The following TECRL variants were observed in gnomAD, a reference collection of about 807,000 sequenced individuals.
TECRL encodes the protein trans-2,3-enoyl-CoA reductase-like.
TECRL carries 63 observed loss-of-function variants against 52.8 expected under a neutral mutation model. The observed-to-expected ratio is 1.19, with a 90% confidence interval of 0.97 to 1.47. The LOEUF is 1.47. Ranked by LOEUF, TECRL falls within the 40% of genes most tolerant of loss-of-function variation. The probability of loss-of-function intolerance (pLI) is 0.00; values close to 1 mark genes in which losing one functional copy is unlikely to be tolerated. For missense variants in TECRL, 482 were observed against 429.6 expected, an observed-to-expected ratio of 1.12 and a Z score of -1.08; for synonymous variants, 164 against 141.9, an observed-to-expected ratio of 1.16 and a Z score of -1.10.
intron 4 of TECRL, among the ~76,000 whole-genome samples, chr4:64,314,996 C>T (rs1445981576): frequency 6.6e-6 from 1 of 152,004 alleles, no homozygotes; most frequent in Non-Finnish European, 1.5e-5. Context: ...AAACTGGTTT[C>T]TTTCTTCAGA....
chr4:64,324,780 A>AC (rs1718140228), intron 3 of TECRL, among the ~76,000 whole-genome samples: 2 of 152,100 alleles, frequency 1.3e-5, no homozygotes, highest in African/African-American at 2.4e-5. Flanking sequence ...ACATATATAT[A>AC]CATATATAAT....
chr4:64,375,629 A>T (rs561909853), intron 1 of TECRL, among the ~76,000 whole-genome samples: 1 of 152,028 alleles, frequency 6.6e-6, no homozygotes, highest in Non-Finnish European at 1.5e-5. Flanking sequence ...TTATATGGAC[A>T]AATGAGAGAA....
chr4:64,370,386 T>C (rs576944553), intron 2 of TECRL, among the ~76,000 whole-genome samples: 32 of 152,006 alleles, frequency 2.1e-4, no homozygotes, highest in African/African-American at 6.5e-4. Flanking sequence ...TTCTGAGGGA[T>C]AATATTTGAT....
chr4:64,301,359 T>C (rs922787548), intron 7 of TECRL, among the ~76,000 whole-genome samples: 1 of 151,204 alleles, frequency 6.6e-6, no homozygotes, highest in African/African-American at 2.4e-5. Context: ...CATTCTGCTT[T>C]TGCCAAATCA....
At chr4:64,280,255 T>A in intron 11 of TECRL, 56 bp from the exon 12 acceptor site, 1 of 1,250,876 alleles carries the variant, frequency 8.0e-7, no homozygotes, top group Non-Finnish European at 1.1e-6. Flanking sequence ...AAATGTTATA[T>A]TAGGAAAAGG....
In TECRL at chr4:64,289,704, A is replaced by G; in HGVS notation, c.832+6T>C. 1.3e-6 allele frequency: 2 copies of G among 1,526,364 alleles called. No homozygotes were observed. Among genetic ancestry groups the G allele is most frequent in the Non-Finnish European group, 1.7e-6 (2 of 1,146,442 alleles). 94.6% of individuals were successfully genotyped at this position (1,526,364 alleles called of 1,614,324 possible). On this transcript the variant is annotated splice_donor_region_variant and intron_variant, in intron 9 of 11. Transcript: ENST00000381210. Reference sequence around the variant, plus strand: ...CTAAAGAAAAGAAAAAGAAAAAAGAACTAACCTGTGTGATTGGGATGAGAC... The same window carrying G: ...CTAAAGAAAAGAAAAAGAAAAAAGAGCTAACCTGTGTGATTGGGATGAGAC...
At chr4:64,346,137 G>A (rs115317111) in intron 2 of TECRL, among the ~76,000 whole-genome samples, 26 of 152,162 alleles carry the variant, frequency 1.7e-4, no homozygotes, top group African/African-American at 6.3e-4. Context: ...CTCATTAGAT[G>A]TTGTTATGGG....
intron 2 of TECRL, among the ~76,000 whole-genome samples, chr4:64,339,510 C>G (rs1441977243): frequency 6.6e-6 from 1 of 151,674 alleles, no homozygotes; most frequent in Non-Finnish European, 1.5e-5. Flanking sequence ...TATCACTAGA[C>G]TTTACTATCT....
chr4:64,304,585 T>G (rs184760304), intron 7 of TECRL, among the ~76,000 whole-genome samples: 1 of 152,072 alleles, frequency 6.6e-6, no homozygotes, highest in Admixed American at 6.6e-5. Flanking sequence ...CAGTAAGAGC[T>G]GAAGAGAGAA....
intron 2 of TECRL, among the ~76,000 whole-genome samples, chr4:64,366,654 G>T (rs1721617497): frequency 6.6e-6 from 1 of 152,052 alleles, no homozygotes; most frequent in Non-Finnish European, 1.5e-5. Flanking sequence ...AAAAAGCTCA[G>T]TGTCACTAAT....
At chr4:64,329,461 G>A (rs574156159) in intron 2 of TECRL, among the ~76,000 whole-genome samples, 76 of 151,608 alleles carry the variant, frequency 5.0e-4, no homozygotes, top group African/African-American at 1.8e-3. Flanking sequence ...TCTATTAATA[G>A]GTAATATATT....
intron 2 of TECRL, among the ~76,000 whole-genome samples, chr4:64,347,018 T>A (rs1055403281): frequency 2.6e-5 from 4 of 152,194 alleles, no homozygotes; most frequent in African/African-American, 7.2e-5. Context: ...TTATTTGACA[T>A]TCAGTCAGGT....
intron 7 of TECRL, among the ~76,000 whole-genome samples, chr4:64,303,281 G>C (rs546383633): frequency 6.6e-6 from 1 of 151,586 alleles, no homozygotes; most frequent in South Asian, 2.1e-4. Context: ...ACAAATTAGA[G>C]AGAGTCTCTG....
chr4:64,397,156 A>G (rs577893086), intron 1 of TECRL, among the ~76,000 whole-genome samples: 1 of 152,258 alleles, frequency 6.6e-6, no homozygotes, highest in Non-Finnish European at 1.5e-5. Flanking sequence ...TGTGTCATGC[A>G]CATTTTCAGG....
intron 2 of TECRL, among the ~76,000 whole-genome samples, chr4:64,351,390 C>T: frequency 6.6e-6 from 1 of 151,912 alleles, no homozygotes; most frequent in Non-Finnish European, 1.5e-5. Flanking sequence ...ATCCTCCTGT[C>T]TCAGCCTCTG....
At chr4:64,392,920 C>G (rs1185398182) in intron 1 of TECRL, among the ~76,000 whole-genome samples, 4 of 151,946 alleles carry the variant, frequency 2.6e-5, no homozygotes, top group Non-Finnish European at 5.9e-5. Flanking sequence ...ATCTCTACAT[C>G]ATGTAAATAT....
intron 1 of TECRL, among the ~76,000 whole-genome samples, chr4:64,387,318 A>G (rs1034014620): frequency 1.1e-4 from 16 of 152,152 alleles, no homozygotes; most frequent in African/African-American, 3.6e-4. Flanking sequence ...CTACTGAAAG[A>G]CATCTTGGTT....
At position 64,313,575 on chromosome 4, in the gene TECRL, G is replaced by A. The variant is rs571368775; in HGVS notation, c.551+1073C>T. Among the ~76,000 whole-genome samples the A allele has an allele frequency of 4.1e-5, 6 of 146,106 alleles. No homozygotes were observed. The South Asian group carries it at 8.7e-4, about 21-fold the overall frequency. The stretch of plus-strand genomic sequence containing the variant: ...CAGCTCACTGCAAGCTCCACCTCCC[G>A]GGTTCACACCATTCTCCTGCCTCAG... On this transcript the variant is annotated intron_variant, in intron 5 of 11. Transcript: ENST00000381210.
intron 1 of TECRL, among the ~76,000 whole-genome samples, chr4:64,388,593 C>T (rs1187709057): frequency 6.6e-6 from 1 of 151,794 alleles, no homozygotes; most frequent in East Asian, 1.9e-4. Context: ...GATTGCATTA[C>T]ATCTGTACAT....
Sources: gnomAD v4.1 joint callset for allele counts (sites outside exome capture counted in the v4.1 genomes callset) on GRCh38, gnomAD v4.1.1 for gene constraint, MANE v1.5 for transcripts, NCBI Gene and HGNC (gene_info 2026-07-23, HGNC 2026-07-21) for gene names.